Variants in LMX1A observed in about 807,000 individuals in gnomAD.
The protein encoded by LMX1A is LIM homeobox transcription factor 1 alpha.
Under a neutral mutation model 49.1 loss-of-function variants are expected in LMX1A, and 15 were observed. The observed-to-expected ratio is 0.31, with a 90% CI of 0.20 to 0.47. The LOEUF (loss-of-function observed/expected upper bound fraction) is 0.47. Ranked by LOEUF, LMX1A falls within the 20% of genes least tolerant of loss-of-function variation. The pLI, the probability that LMX1A is intolerant of heterozygous loss-of-function variation, is 1.00. For missense variants in LMX1A, 372 were observed against 475.8 expected (o/e 0.78, Z 2.03); for synonymous variants, 167 against 185.7 (o/e 0.90, Z 0.82).
intron 3 of LMX1A, among the ~76,000 whole-genome samples, chr1:165,340,821 T>C (rs1023650442): frequency 5.9e-5 from 9 of 152,218 alleles, no homozygotes; most frequent in African/African-American, 2.2e-4. Context: ...CAGTCCACCT[T>C]GTCCCTTCTG....
At chr1:165,333,262 A>G (rs942084091) in intron 3 of LMX1A, among the ~76,000 whole-genome samples, 8 of 152,138 alleles carry the variant, frequency 5.3e-5, no homozygotes, top group Admixed American at 3.9e-4. Flanking sequence ...GGTTCAAGAG[A>G]TTCTCCTGCC....
intron 5 of LMX1A, chr1:165,212,777 T>G (rs1651465606): frequency 6.6e-6 from 1 of 152,208 alleles, no homozygotes; most frequent in Non-Finnish European, 1.5e-5. Flanking sequence ...TATGAGTAAT[T>G]GAATCACTAA....
chr1:165,285,255 G>T (rs1169709069), intron 3 of LMX1A, among the ~76,000 whole-genome samples: 1 of 152,200 alleles, frequency 6.6e-6, no homozygotes, highest in Non-Finnish European at 1.5e-5. Flanking sequence ...AGTTCTGGAG[G>T]AATTCTAGAC....
chr1:165,287,576 G>A (rs1188732208), intron 3 of LMX1A, among the ~76,000 whole-genome samples: 1 of 152,020 alleles, frequency 6.6e-6, no homozygotes, highest in Non-Finnish European at 1.5e-5. Flanking sequence ...CCTCTGCCCA[G>A]GTCTCCCAGC....
chr1:165,339,666 C>T (rs1656011035), intron 3 of LMX1A, among the ~76,000 whole-genome samples: 1 of 152,154 alleles, frequency 6.6e-6, no homozygotes, highest in Non-Finnish European at 1.5e-5. Context: ...GAAAGCAGAC[C>T]CACCTCTGCC....
In LMX1A at chr1:165,294,003, G is replaced by T. The variant is rs117113006; in HGVS notation, c.264-44363C>A. Among the ~76,000 whole-genome samples, 104 of 152,288 alleles carry T rather than the reference G, an allele frequency of 6.8e-4. 1 individual carries two copies. The East Asian group carries it at 8.9e-3, about 13-fold the overall frequency. The stretch of plus-strand genomic sequence containing the variant: ...AGTTTTCTCACTGATCTTCATTAGA[G>T]CCCTATGAAAGAGATGGGCACTATC... On this transcript the variant is annotated intron_variant, in intron 3 of 8. Transcript: ENST00000342310.
At chr1:165,208,004 C>G in intron 7 of LMX1A, 59 bp downstream of exon 7, 1 of 1,485,288 alleles carries the variant, frequency 6.7e-7, no homozygotes, top group South Asian at 1.2e-5. Context: ...AGTGGGAGGC[C>G]TCTGGTAGGA....
intron 8 of LMX1A, among the ~76,000 whole-genome samples, chr1:165,204,720 T>C (rs185318033): frequency 6.6e-6 from 1 of 152,290 alleles, no homozygotes; most frequent in East Asian, 1.9e-4. Context: ...AAATATTCAT[T>C]TTATGAAAGG....
chr1:165,281,392 T>C (rs1654144434), intron 3 of LMX1A, among the ~76,000 whole-genome samples: 1 of 152,188 alleles, frequency 6.6e-6, no homozygotes, highest in Admixed American at 6.5e-5. Flanking sequence ...CAAAGTCTAC[T>C]TGGACCTGTG....
chr1:165,354,957 C>T (rs1656555848), intron 2 of LMX1A, among the ~76,000 whole-genome samples: 1 of 152,152 alleles, frequency 6.6e-6, no homozygotes. Flanking sequence ...TTAATTAACG[C>T]GGAGCCTAGG....
intron 4 of LMX1A, among the ~76,000 whole-genome samples, chr1:165,219,411 G>T (rs565818349): frequency 6.6e-6 from 1 of 152,198 alleles, no homozygotes; most frequent in East Asian, 1.9e-4. Flanking sequence ...TTAGACAGGG[G>T]GAGTAGAGGA....
intron 3 of LMX1A, among the ~76,000 whole-genome samples, chr1:165,263,203 A>G (rs935864440): frequency 1.3e-5 from 2 of 152,184 alleles, no homozygotes; most frequent in Admixed American, 6.5e-5. Flanking sequence ...TGACATTTCT[A>G]TCTCCACCCC....
intron 3 of LMX1A, among the ~76,000 whole-genome samples, chr1:165,269,237 C>T (rs1478221374): frequency 6.6e-6 from 1 of 152,244 alleles, no homozygotes. Context: ...TTAGAATATC[C>T]TGCCGAGAAT....
In LMX1A at chr1:165,353,187, T is replaced by C; in HGVS notation, c.152A>G (p.Asn51Ser). ...VILDRFLLRL[N>S]DSFWHEQCVQ... is the part of the protein sequence containing the mutation. The stretch of plus-strand genomic sequence containing the variant: ...GCACTGCTCATGCCAGAAGCTGTCG[T>C]TGAGCCGCAGCAGAAACCTGTCCAA... The change falls in exon 3 of 9, where the codon AAC becomes AGC. Residue 51 changes from asparagine (N) to serine (S), a missense_variant. Asn to Ser is a conservative substitution (Grantham distance 46, BLOSUM62 1). This residue lies in a region of LMX1A where 199 missense variants were observed against 244.0 expected (regional missense o/e 0.82). Transcript: ENST00000342310. The C allele has an allele frequency of 1.2e-6, 2 of 1,614,148 alleles. No individual in the cohort carries two copies. The highest frequency in any genetic ancestry group is 1.3e-5 in the African/African-American group (1 of 75,070).
intron 3 of LMX1A, among the ~76,000 whole-genome samples, chr1:165,257,475 T>A (rs902982314): frequency 2.6e-5 from 4 of 151,868 alleles, no homozygotes; most frequent in Admixed American, 2.6e-4. Context: ...GCTACTCAGC[T>A]CATGGACCCC....
At chr1:165,354,781 G>A (rs1263787590) in intron 2 of LMX1A, among the ~76,000 whole-genome samples, 1 of 152,242 alleles carries the variant, frequency 6.6e-6, no homozygotes, top group Non-Finnish European at 1.5e-5. Flanking sequence ...AACTTGAAAA[G>A]CTCCAAGGGC....
intron 3 of LMX1A, among the ~76,000 whole-genome samples, chr1:165,318,326 A>G (rs965702264): frequency 6.6e-6 from 1 of 152,194 alleles, no homozygotes; most frequent in Non-Finnish European, 1.5e-5. Context: ...TCTGCACTCC[A>G]CAAGCATCCT....
intron 3 of LMX1A, among the ~76,000 whole-genome samples, chr1:165,303,528 G>T (rs1207123897): frequency 6.6e-6 from 1 of 152,224 alleles, no homozygotes; most frequent in Non-Finnish European, 1.5e-5. Context: ...GAGTGGCCAA[G>T]TAACCACAAA....
intron 6 of LMX1A, among the ~76,000 whole-genome samples, chr1:165,209,186 G>A (rs1651256640): frequency 6.6e-6 from 1 of 152,100 alleles, no homozygotes; most frequent in African/African-American, 2.4e-5. Context: ...GTCTTTCTTT[G>A]GTACACATCA....
Sources: gnomAD v4.1 joint callset for allele counts (sites outside exome capture counted in the v4.1 genomes callset) on GRCh38, gnomAD v4.1.1 for gene constraint, gnomAD v4.1.1 regional missense constraint, MANE v1.5 for transcripts, NCBI Gene and HGNC (gene_info 2026-07-23, HGNC 2026-07-21) for gene names.